The following RALGPS1 variants were observed in gnomAD, a reference collection of about 807,000 sequenced individuals.
RALGPS1 encodes the protein Ral GEF with PH domain and SH3 binding motif 1.
In RALGPS1, 19 loss-of-function variants were observed where a neutral mutation model predicts 78.8. The observed-to-expected ratio is 0.24, with a 90% CI of 0.17 to 0.35. The LOEUF (loss-of-function observed/expected upper bound fraction) is 0.35, where lower values mean the gene tolerates loss of function less well. Ranked by LOEUF, RALGPS1 falls within the 10% of genes least tolerant of loss-of-function variation. The pLI is 1.00. For synonymous variants in RALGPS1, 228 were observed against 256.3 expected (o/e 0.89, Z 1.06); for missense variants, 454 against 688.3 (o/e 0.66, Z 3.81).
At chr9:126,974,585 T>G (rs1399432624) in intron 3 of RALGPS1, among the ~76,000 whole-genome samples, 1 of 151,940 alleles carries the variant, frequency 6.6e-6, no homozygotes, top group Non-Finnish European at 1.5e-5. Context: ...AAAGCCTGGG[T>G]TTTTAGAGGG....
At chr9:127,139,528 G>A (rs370556700) in intron 8 of RALGPS1, among the ~76,000 whole-genome samples, 9 of 152,356 alleles carry the variant, frequency 5.9e-5, no homozygotes, top group South Asian at 2.1e-4. Context: ...CGCTTGGAGC[G>A]TCTGCCTTGG....
At chr9:126,965,613 A>G (rs1382122165) in intron 2 of RALGPS1, among the ~76,000 whole-genome samples, 1 of 152,216 alleles carries the variant, frequency 6.6e-6, no homozygotes, top group Non-Finnish European at 1.5e-5. Context: ...TTCTCTATAA[A>G]ATGGGAACAA....
At chr9:127,089,172 G>A (rs996923162) in intron 8 of RALGPS1, 3 of 1,610,180 alleles carry the variant, frequency 1.9e-6, no homozygotes, top group South Asian at 1.1e-5. Flanking sequence ...GGGTGTCTGG[G>A]AGGAGGCCAT....
chr9:127,132,769 C>T (rs543964083), intron 8 of RALGPS1, among the ~76,000 whole-genome samples: 1 of 152,222 alleles, frequency 6.6e-6, no homozygotes, highest in Non-Finnish European at 1.5e-5. Context: ...ACCCATATTT[C>T]ATAAGGTTGC....
rs546636064 is a variant in RALGPS1, at chr9:127,187,762, A to G, written c.911-7329A>G. 1.3e-4 allele frequency among the ~76,000 whole-genome samples: 20 copies of G among 152,342 alleles called. No homozygotes were observed. The South Asian group carries it at 4.1e-3, about 32-fold the overall frequency. ...TCTACATGGATTTGTTTCTTGAGCAATATGTGCAAAACCAAAACAAAGCAG... is the reference window on the plus strand; with the variant it reads ...TCTACATGGATTTGTTTCTTGAGCAGTATGTGCAAAACCAAAACAAAGCAG... On this transcript the variant is annotated intron_variant, in intron 11 of 18. Coordinates refer to ENST00000259351, the MANE Select transcript of RALGPS1 (RefSeq NM_014636.3).
chr9:127,129,206 C>T (rs1180532632), intron 8 of RALGPS1, among the ~76,000 whole-genome samples: 1 of 152,166 alleles, frequency 6.6e-6, no homozygotes, highest in African/African-American at 2.4e-5. Context: ...TGCATGGCCC[C>T]ATCCCCAAGA....
chr9:127,211,583 C>T lies in RALGPS1; in HGVS notation c.1248-548C>T, dbSNP rs1409107391. Among the ~76,000 whole-genome samples the T allele has an allele frequency of 1.3e-5, 2 of 152,046 alleles. No individual in the cohort carries two copies. Among genetic ancestry groups the T allele is most frequent in the Non-Finnish European group, 2.9e-5 (2 of 67,982 alleles). The stretch of plus-strand genomic sequence containing the variant: ...AGGTGTGGGCTGCCATGCCCTTGGA[C>T]GCCTTCATCTGTAGGTGGTGCTTGA... On this transcript the variant is annotated intron_variant, in intron 14 of 18. Transcript: ENST00000259351. The surrounding 1 kb of genome is among the most constrained non-coding windows in gnomAD (Gnocchi z 5.0).
chr9:127,152,223 C>T lies in RALGPS1; in HGVS notation c.611-13846C>T, dbSNP rs539349382. Among the ~76,000 whole-genome samples, 12 of 152,312 alleles carry T rather than the reference C, an allele frequency of 7.9e-5. No homozygotes were observed. In the South Asian group the frequency reaches 2.5e-3, roughly 32 times the overall value. On this transcript the variant is annotated intron_variant, in intron 8 of 18. Transcript: ENST00000259351. ...TAGACTGTGTGGGGAGGTGTGGTCT[C>T]TCTTATCCCTCTACTTCTCCTACAT... is the stretch of plus-strand genomic sequence containing the variant.
At chr9:127,001,673 CA>C (rs1681450149) in intron 4 of RALGPS1, among the ~76,000 whole-genome samples, 1 of 152,036 alleles carries the variant, frequency 6.6e-6, no homozygotes, top group African/African-American at 2.4e-5. Context: ...ATTACTAGGT[CA>C]GGAGTTCGAG....
At chr9:126,989,787 C>A in intron 4 of RALGPS1, 1 of 1,435,196 alleles carries the variant, frequency 7.0e-7, no homozygotes, top group Non-Finnish European at 9.3e-7. Context: ...TCCTGTGGGA[C>A]ACTTACTCTA....
chr9:127,127,109 G>A (rs1170281573), intron 8 of RALGPS1, among the ~76,000 whole-genome samples: 3 of 152,116 alleles, frequency 2.0e-5, no homozygotes, highest in African/African-American at 7.2e-5. Flanking sequence ...TAATTTTGGG[G>A]CTTTCTCTTC....
chr9:127,034,414 C>G lies in RALGPS1; in HGVS notation c.217-17C>G, dbSNP rs1360294260. On this transcript the variant is annotated splice_polypyrimidine_tract_variant and intron_variant, in intron 4 of 18. Coordinates refer to ENST00000259351, the MANE Select transcript of RALGPS1 (RefSeq NM_014636.3). ...CCCAACTAGAATCACTGTTGAAATTCATTCTGTGCTTCCTAGGAACTAGCC... is the reference window on the plus strand; with the variant it reads ...CCCAACTAGAATCACTGTTGAAATTGATTCTGTGCTTCCTAGGAACTAGCC... The G allele has an allele frequency of 2.5e-6, 4 of 1,608,362 alleles. No individual in the cohort carries two copies. The highest frequency in any genetic ancestry group is 1.1e-5 in the South Asian group (1 of 90,946).
chr9:127,017,646 C>G (rs2044981308), intron 4 of RALGPS1, among the ~76,000 whole-genome samples: 1 of 152,144 alleles, frequency 6.6e-6, no homozygotes, highest in Non-Finnish European at 1.5e-5. Context: ...CTTTTTGACT[C>G]TTTTGTAATA....
At chr9:127,151,175 T>C (rs749565957) in intron 8 of RALGPS1, among the ~76,000 whole-genome samples, 51 of 132,496 alleles carry the variant, frequency 3.8e-4, no homozygotes, top group Non-Finnish European at 7.9e-4. Context: ...AGAGCAAGAC[T>C]CCGTCTCAAA....
At chr9:127,054,995 T>TAGAGAG (rs1564495128) in intron 7 of RALGPS1, among the ~76,000 whole-genome samples, 3 of 66,078 alleles carry the variant, frequency 4.5e-5, no homozygotes, top group Admixed American at 3.1e-4. Flanking sequence ...GAGAGATTGA[T>TAGAGAG]TGAGAGAGAG....
chr9:127,113,422 T>C (rs1385985532), intron 8 of RALGPS1, among the ~76,000 whole-genome samples: 5 of 151,294 alleles, frequency 3.3e-5, no homozygotes, highest in African/African-American at 1.2e-4. Flanking sequence ...TTGGCGGCTC[T>C]TAATGGGCAG....
intron 8 of RALGPS1, chr9:127,093,844 G>A (rs1377442537): frequency 1.2e-6 from 2 of 1,614,166 alleles, no homozygotes; most frequent in Non-Finnish European, 1.7e-6. Flanking sequence ...GCATGAGGCG[G>A]TTGGTGTTCT....
At chr9:127,013,732 A>C (rs1363459799) in intron 4 of RALGPS1, among the ~76,000 whole-genome samples, 2 of 152,022 alleles carry the variant, frequency 1.3e-5, no homozygotes, top group African/African-American at 4.8e-5. Context: ...CACATCTCTA[A>C]GGGGGGCGTG....
chr9:127,010,165 G>A (rs911828940), intron 4 of RALGPS1, among the ~76,000 whole-genome samples: 4 of 152,110 alleles, frequency 2.6e-5, no homozygotes, highest in East Asian at 1.9e-4. Context: ...CTCACGGGGC[G>A]GTGTCATGGA....
Sources: gnomAD v4.1 joint callset for allele counts (sites outside exome capture counted in the v4.1 genomes callset) on GRCh38, gnomAD v4.1.1 for gene constraint, Gnocchi (gnomAD v3.1) non-coding constraint, MANE v1.5 for transcripts, NCBI Gene and HGNC (gene_info 2026-07-23, HGNC 2026-07-21) for gene names.